The following SHANK2 variants were observed in gnomAD, a reference collection of about 807,000 sequenced individuals.
SHANK2 encodes the protein SH3 and multiple ankyrin repeat domains protein 2.
A neutral mutation model predicts 133.7 loss-of-function variants in SHANK2; 43 were observed. That is an observed-to-expected ratio of 0.32 (90% CI 0.25 to 0.41). The LOEUF is 0.41. Among genes scored for constraint, SHANK2 ranks in the 10% least tolerant of loss-of-function variants. The pLI, the probability that SHANK2 is intolerant of heterozygous loss-of-function variation, is 1.00. For missense variants in SHANK2, 1,994 were observed against 2,235.8 expected (o/e 0.89, Z 2.18); for synonymous variants, 1,017 against 952.8 (o/e 1.07, Z -1.24).
intron 14 of SHANK2, among the ~76,000 whole-genome samples, chr11:70,712,632 G>A (rs1320233526): frequency 6.6e-6 from 1 of 152,230 alleles, no homozygotes; most frequent in Non-Finnish European, 1.5e-5. Flanking sequence ...CACTTATGGT[G>A]AGCCCTAGGG....
intron 11 of SHANK2, among the ~76,000 whole-genome samples, chr11:70,857,340 A>G (rs1237163532): frequency 6.6e-6 from 1 of 152,080 alleles, no homozygotes; most frequent in Non-Finnish European, 1.5e-5. Context: ...TAAATACTCA[A>G]TGTACGGTGA....
intron 11 of SHANK2, among the ~76,000 whole-genome samples, chr11:70,825,352 G>T (rs1026638444): frequency 2.6e-5 from 4 of 152,160 alleles, no homozygotes; most frequent in African/African-American, 9.7e-5. Context: ...AATAATGTCA[G>T]AAAATGGGCA....
intron 17 of SHANK2, among the ~76,000 whole-genome samples, chr11:70,522,046 A>G (rs2059337210): frequency 6.6e-6 from 1 of 152,176 alleles, no homozygotes; most frequent in Admixed American, 6.5e-5. Flanking sequence ...TTTCTTATCC[A>G]AACTACCCAT....
intron 10 of SHANK2, among the ~76,000 whole-genome samples, chr11:70,919,004 A>T (rs1317617126): frequency 3.9e-5 from 6 of 152,028 alleles, no homozygotes; most frequent in Non-Finnish European, 5.9e-5. Flanking sequence ...TTTCTACAAA[A>T]AAATTAAAAA....
intron 11 of SHANK2, among the ~76,000 whole-genome samples, chr11:70,860,119 G>A (rs1419680674): frequency 1.3e-5 from 2 of 152,150 alleles, no homozygotes; most frequent in Admixed American, 1.3e-4. Flanking sequence ...CACATGGTAG[G>A]AGTCCCTTTC....
intron 17 of SHANK2, among the ~76,000 whole-genome samples, chr11:70,599,404 G>A (rs1406713558): frequency 2.0e-5 from 3 of 147,466 alleles, no homozygotes; most frequent in Non-Finnish European, 4.5e-5. Flanking sequence ...TCAGGAGATC[G>A]AGACCATCCT....
At chr11:70,632,696 G>A (rs11236989) in intron 17 of SHANK2, among the ~76,000 whole-genome samples, 15,091 of 152,150 alleles carry the variant, frequency 0.099, 869 homozygotes, top group Middle Eastern at 0.15. Flanking sequence ...CTGAGCACTC[G>A]GTGGATGCTG....
chr11:70,829,700 C>T (rs1948698790), intron 11 of SHANK2, among the ~76,000 whole-genome samples: 1 of 152,312 alleles, frequency 6.6e-6, no homozygotes, highest in Middle Eastern at 3.4e-3. Context: ...CTTTTCCAGA[C>T]ACCTTCAATT....
intron 2 of SHANK2, among the ~76,000 whole-genome samples, chr11:71,210,254 T>TATATATA (rs1565516818): frequency 5.8e-4 from 35 of 59,918 alleles, no homozygotes; most frequent in South Asian, 1.0e-3. Context: ...ATATATATAT[T>TATATATA]TATTTATTTT....
intron 14 of SHANK2, among the ~76,000 whole-genome samples, chr11:70,734,055 G>C (rs928343940): frequency 1.1e-4 from 17 of 152,166 alleles, no homozygotes; most frequent in Non-Finnish European, 1.6e-4. Context: ...GAGGGGAAGA[G>C]TCACCAGGGG....
intron 13 of SHANK2, among the ~76,000 whole-genome samples, chr11:70,799,272 C>T (rs944236112): frequency 1.3e-5 from 2 of 152,100 alleles, no homozygotes; most frequent in South Asian, 4.1e-4. Context: ...GTGGCCCATG[C>T]CTGTAATCTC....
chr11:70,659,284 A>G (rs1330162535), intron 17 of SHANK2, among the ~76,000 whole-genome samples: 3 of 152,118 alleles, frequency 2.0e-5, no homozygotes, highest in African/African-American at 7.2e-5. Context: ...TCCTTTTTGC[A>G]CCATCGACAC....
chr11:70,852,141 G>A (rs533346587), intron 11 of SHANK2, among the ~76,000 whole-genome samples: 1 of 152,360 alleles, frequency 6.6e-6, no homozygotes, highest in African/African-American at 2.4e-5. Context: ...AGAGGCGAGA[G>A]AGAGCTCGGA....
At chr11:71,217,899 G>A (rs1010257832) in intron 2 of SHANK2, among the ~76,000 whole-genome samples, 1 of 152,290 alleles carries the variant, frequency 6.6e-6, no homozygotes, top group East Asian at 1.9e-4. Context: ...CGCCCAGGCT[G>A]GAGTGCAGTG....
intron 8 of SHANK2, among the ~76,000 whole-genome samples, chr11:71,088,464 T>C (rs1951448511): frequency 6.6e-6 from 1 of 152,102 alleles, no homozygotes; most frequent in African/African-American, 2.4e-5. Flanking sequence ...CGACTTTGAG[T>C]TGACTGAGAA....
chr11:70,588,810 T>A (rs899776965), intron 17 of SHANK2, among the ~76,000 whole-genome samples: 2 of 152,222 alleles, frequency 1.3e-5, no homozygotes, highest in East Asian at 3.8e-4. Flanking sequence ...AGATTTTCAA[T>A]TGAGACAAGA....
chr11:70,765,684 T>C (rs1017970477), intron 14 of SHANK2, among the ~76,000 whole-genome samples: 1 of 152,190 alleles, frequency 6.6e-6, no homozygotes, highest in Non-Finnish European at 1.5e-5. Context: ...AGAACTCCCA[T>C]GAGGCTCTGA....
chr11:70,822,107 C>T (rs996096363), intron 11 of SHANK2, among the ~76,000 whole-genome samples: 10 of 152,226 alleles, frequency 6.6e-5, no homozygotes, highest in African/African-American at 2.2e-4. Flanking sequence ...CTCCAAGCTC[C>T]GCAGGAAACA....
chr11:70,825,575 T>C (rs1204623998), intron 11 of SHANK2, among the ~76,000 whole-genome samples: 1 of 152,186 alleles, frequency 6.6e-6, no homozygotes, highest in Non-Finnish European at 1.5e-5. Flanking sequence ...TTAATGAAAA[T>C]TACCTCGCGT....
Sources: gnomAD v4.1 joint callset for allele counts (sites outside exome capture counted in the v4.1 genomes callset) on GRCh38, gnomAD v4.1.1 for gene constraint, MANE v1.5 for transcripts, NCBI Gene and HGNC (gene_info 2026-07-23, HGNC 2026-07-21) for gene names.